Variants in PIP4K2A observed in about 807,000 individuals in gnomAD.
PIP4K2A encodes phosphatidylinositol 5-phosphate 4-kinase type-2 alpha.
A neutral mutation model predicts 42.9 loss-of-function variants in PIP4K2A; 14 were observed. The ratio of observed to expected loss-of-function variants is 0.33; its 90% CI spans 0.22 to 0.51. The LOEUF is 0.51. Ranked by LOEUF, PIP4K2A falls within the 20% of genes least tolerant of loss-of-function variation. The pLI is 0.97. For synonymous variants in PIP4K2A, 192 were observed against 192.2 expected (o/e 1.00, Z 0.01); for missense variants, 434 against 519.8 (o/e 0.83, Z 1.61).
intron 1 of PIP4K2A, among the ~76,000 whole-genome samples, chr10:22,676,236 C>T (rs771607152): frequency 1.3e-4 from 20 of 152,104 alleles, no homozygotes; most frequent in Non-Finnish European, 2.5e-4. Context: ...CCTTGACCAA[C>T]TTACATTAAA....
At chr10:22,624,686 GA>G (rs780011444) in intron 1 of PIP4K2A, among the ~76,000 whole-genome samples, 37 of 151,234 alleles carry the variant, frequency 2.4e-4, no homozygotes, top group South Asian at 1.3e-3. Context: ...CTAGCAGGGG[GA>G]AAAAAAAATC....
At chr10:22,684,934 A>C (rs1839730731) in intron 1 of PIP4K2A, among the ~76,000 whole-genome samples, 1 of 152,138 alleles carries the variant, frequency 6.6e-6, no homozygotes, top group Non-Finnish European at 1.5e-5. Context: ...CCATTTCGGC[A>C]AGTGTCCAGC....
At chr10:22,713,835 G>C (rs1009368990) in intron 1 of PIP4K2A, 7 of 164,744 alleles carry the variant, frequency 4.2e-5, no homozygotes, top group African/African-American at 1.7e-4. Flanking sequence ...CAGCCGAGGC[G>C]CCGTGCCCCG....
intron 6 of PIP4K2A, among the ~76,000 whole-genome samples, chr10:22,567,160 G>C (rs1836865231): frequency 6.6e-6 from 1 of 152,206 alleles, no homozygotes; most frequent in Admixed American, 6.5e-5. Flanking sequence ...CTTTATATAA[G>C]CATGTGTTGA....
At chr10:22,590,103 G>A (rs1409396) in intron 4 of PIP4K2A, among the ~76,000 whole-genome samples, 95,715 of 151,994 alleles carry the variant, frequency 0.63, 30,786 homozygotes, top group East Asian at 0.94. Context: ...GCCAACACAC[G>A]TGAGGCTACA....
chr10:22,593,372 C>A (rs969743209), intron 3 of PIP4K2A, among the ~76,000 whole-genome samples: 2 of 152,154 alleles, frequency 1.3e-5, no homozygotes, highest in African/African-American at 4.8e-5. Context: ...ACATAATCCC[C>A]AATGACTTTA....
chr10:22,672,629 C>T (rs150641830), intron 1 of PIP4K2A, among the ~76,000 whole-genome samples: 8 of 152,204 alleles, frequency 5.3e-5, no homozygotes, highest in East Asian at 1.9e-4. Flanking sequence ...TGAATATTTA[C>T]GTCCAGAGGA....
intron 1 of PIP4K2A, among the ~76,000 whole-genome samples, chr10:22,629,636 C>T (rs922267694): frequency 6.6e-6 from 1 of 152,130 alleles, no homozygotes; most frequent in Non-Finnish European, 1.5e-5. Context: ...GGAGGTAGAG[C>T]TAACCCCATC....
intron 1 of PIP4K2A, among the ~76,000 whole-genome samples, chr10:22,620,407 G>A (rs530417135): frequency 6.6e-6 from 1 of 152,348 alleles, no homozygotes; most frequent in Non-Finnish European, 1.5e-5. Context: ...CCCAGGCTCA[G>A]GGAGTCAGGA....
Position 22,600,500 on chromosome 10 carries a change from A to G in PIP4K2A, c.339+7427T>C, listed in dbSNP as rs375126033. Among the ~76,000 whole-genome samples, 167 of 152,240 alleles carry G rather than the reference A, an allele frequency of 1.1e-3. 1 individual carries two copies. Among genetic ancestry groups the G allele is most frequent in the African/African-American group, 3.8e-3 (157 of 41,536 alleles). ...CCCACCAGGGGTGAGTGAGTATCTC[A>G]TGGTCACAGCATCAGTCACTGAAGA... On this transcript the variant is annotated intron_variant, in intron 3 of 9. Transcript: ENST00000376573.
chr10:22,707,469 C>A (rs1318064599), intron 1 of PIP4K2A, among the ~76,000 whole-genome samples: 1 of 152,206 alleles, frequency 6.6e-6, no homozygotes, highest in Admixed American at 6.5e-5. Flanking sequence ...CCTACATGCT[C>A]TGAACATTAA....
chr10:22,582,145 A>T (rs1837295543), intron 4 of PIP4K2A, among the ~76,000 whole-genome samples: 1 of 152,164 alleles, frequency 6.6e-6, no homozygotes, highest in Admixed American at 6.5e-5. Flanking sequence ...GATGTCGTCA[A>T]CAAAGGTAAA....
At chr10:22,664,489 T>C (rs901900746) in intron 1 of PIP4K2A, among the ~76,000 whole-genome samples, 1 of 151,486 alleles carries the variant, frequency 6.6e-6, no homozygotes, top group Non-Finnish European at 1.5e-5. Context: ...CACAATAGTA[T>C]GCCTTTATGC....
chr10:22,705,796 C>T (rs1299971947), intron 1 of PIP4K2A, among the ~76,000 whole-genome samples: 2 of 151,888 alleles, frequency 1.3e-5, no homozygotes, highest in Non-Finnish European at 2.9e-5. Flanking sequence ...TGCCCGCTGT[C>T]GGACCCTCAG....
chr10:22,561,571 T>G (rs1393813538), intron 6 of PIP4K2A, among the ~76,000 whole-genome samples: 2 of 141,158 alleles, frequency 1.4e-5, no homozygotes, highest in Non-Finnish European at 3.1e-5. Flanking sequence ...CGCAGTTTTT[T>G]TTTTTTTTTT....
intron 1 of PIP4K2A, among the ~76,000 whole-genome samples, chr10:22,700,481 G>C (rs1833692916): frequency 6.6e-6 from 1 of 152,190 alleles, no homozygotes; most frequent in African/African-American, 2.4e-5. Flanking sequence ...AGAAATTTTG[G>C]ATGCATGACC....
At chr10:22,548,852 C>T (rs887330814) in intron 7 of PIP4K2A, among the ~76,000 whole-genome samples, 1 of 151,142 alleles carries the variant, frequency 6.6e-6, no homozygotes. Flanking sequence ...TCAAGACCAG[C>T]CTGCGCAACA....
chr10:22,650,112 G>A (rs1373895213), intron 1 of PIP4K2A, among the ~76,000 whole-genome samples: 1 of 152,162 alleles, frequency 6.6e-6, no homozygotes, highest in Non-Finnish European at 1.5e-5. Flanking sequence ...AAATCTTCTA[G>A]GCTATTCCAG....
rs571406274 is a variant in PIP4K2A, at chr10:22,607,819, C to T, written c.339+108G>A. 4.8e-6 allele frequency: 3 copies of T among 620,322 alleles called. No homozygotes were observed. The East Asian group carries it at 8.6e-5, about 18-fold the overall frequency. The allele number at this position is 620,322 out of a possible 1,614,324, so 38.4% of individuals were successfully genotyped here. A position where few individuals can be genotyped will look rare whatever the true frequency, so the allele number is the denominator to read the frequency against. The stretch of plus-strand genomic sequence containing the variant: ...AACTTCTTACACAAAATGAAAATTA[C>T]TATTATATAATACTTTTATTGACAA... On this transcript the variant is annotated intron_variant, in intron 3 of 9. Transcript: ENST00000376573.
Sources: allele counts gnomAD v4.1 joint callset (sites outside exome capture counted in the v4.1 genomes callset), GRCh38; gene constraint gnomAD v4.1.1; transcripts MANE v1.5; gene names NCBI Gene and HGNC (gene_info 2026-07-23, HGNC 2026-07-21).